Variants in ACLY observed in about 807,000 individuals in gnomAD.
ACLY encodes ATP citrate lyase, also known as ATP-citrate synthase.
Under a neutral mutation model 133.0 loss-of-function variants are expected in ACLY, and 41 were observed. The observed-to-expected ratio is 0.31, with a 90% confidence interval of 0.24 to 0.40. ACLY has a LOEUF of 0.40. Among genes scored for constraint, ACLY ranks in the 10% least tolerant of loss-of-function variants. ACLY has a pLI of 1.00. For synonymous variants in ACLY, 495 were observed against 549.3 expected (o/e 0.90, Z 1.38); for missense variants, 1,046 against 1,453.8 (o/e 0.72, Z 4.56).
intron 6 of ACLY, 137 bp from the exon 7 acceptor site, chr17:41,907,709 G>A (rs552300863): frequency 2.1e-6 from 2 of 967,582 alleles, no homozygotes; most frequent in South Asian, 1.8e-5. Context: ...TAAGAAACCA[G>A]AGAGGCCCTT....
At chr17:41,927,401 A>G (rs1555636099) in intron 1 of ACLY, among the ~76,000 whole-genome samples, 1 of 152,018 alleles carries the variant, frequency 6.6e-6, no homozygotes, top group Non-Finnish European at 1.5e-5. Flanking sequence ...TCATAGCTCA[A>G]CCGTGTTAGC....
intron 12 of ACLY, 86 bp downstream of exon 12, chr17:41,898,545 C>T: frequency 6.6e-7 from 1 of 1,514,262 alleles, no homozygotes; most frequent in Non-Finnish European, 8.9e-7. Context: ...CCTCTATGCC[C>T]CCAGGGAACA....
rs781903389 is a variant in ACLY, at chr17:41,872,016, T to C, written c.2793+16A>G. On this transcript the variant is annotated intron_variant, in intron 24 of 28. Coordinates refer to ENST00000352035, the MANE Select transcript of ACLY (RefSeq NM_001096.3). ...CAGTGTCCCCACTGTTCACCTCCCA[T>C]GATGACAGTACTTACGATGGTGAGC... The C allele has an allele frequency of 6.2e-7, 1 of 1,613,714 alleles. No homozygotes were observed. The highest frequency in any genetic ancestry group is 2.2e-5 in the East Asian group (1 of 44,862).
At chr17:41,877,424 T>C (rs1597976910) in intron 22 of ACLY, among the ~76,000 whole-genome samples, 2 of 150,998 alleles carry the variant, frequency 1.3e-5, no homozygotes, top group East Asian at 3.9e-4. Flanking sequence ...ATTACAGGCA[T>C]GAGCCACCAG....
intron 10 of ACLY, among the ~76,000 whole-genome samples, chr17:41,904,080 G>A (rs1188105562): frequency 2.0e-5 from 3 of 150,532 alleles, no homozygotes; most frequent in African/African-American, 7.4e-5. Flanking sequence ...TCGTGCCATT[G>A]CACTCCAGCC....
chr17:41,918,919 C>G lies in ACLY; in HGVS notation c.-63G>C. ...GTGCGCGGCGCTTCTTCCACAGGCC[C>G]GACGAACCCCGCAAAATCCGGAGCA... is the stretch of plus-strand genomic sequence containing the variant. On this transcript the variant is annotated 5_prime_UTR_variant, in exon 1 of 29. Transcript: ENST00000352035. The G allele has an allele frequency of 5.4e-6, 7 of 1,289,172 alleles. No individual in the cohort carries two copies. The highest frequency in any genetic ancestry group is 7.1e-6 in the Non-Finnish European group (7 of 988,652). 79.9% of individuals were successfully genotyped at this position (1,289,172 alleles called of 1,614,324 possible). A position where few individuals can be genotyped will look rare whatever the true frequency, so the allele number is the denominator to read the frequency against.
intron 20 of ACLY, among the ~76,000 whole-genome samples, chr17:41,880,290 A>G (rs1418521439): frequency 2.0e-5 from 3 of 152,164 alleles, no homozygotes; most frequent in Non-Finnish European, 4.4e-5. Context: ...TAGCACTTGA[A>G]CCTAGGCAAT....
Position 41,869,098 on chromosome 17 carries a change from C to G in ACLY, c.3079G>C (p.Gly1027Arg), listed in dbSNP as rs1555624561. ...TCTACAAATGCGACTCCGATGAGAC[C>G]ATCTACATTCAGGATAAGATTTGGC... ...KKPNLILNVD[G>R]LIGVAFVDML... Residue 1027 changes from glycine (G) to arginine (R), a missense_variant, in exon 27 of 29, where the codon GGT becomes CGT. Physicochemically the swap from Gly to Arg is moderately radical, Grantham distance 125. Coordinates refer to ENST00000352035, the MANE Select transcript of ACLY (RefSeq NM_001096.3). 6.2e-7 allele frequency: 1 copy of G among 1,613,844 alleles called. No homozygotes were observed. The highest frequency in any genetic ancestry group is 8.5e-7 in the Non-Finnish European group (1 of 1,179,954).
chr17:41,899,442 C>G (rs1322697486), intron 11 of ACLY, among the ~76,000 whole-genome samples: 1 of 152,132 alleles, frequency 6.6e-6, no homozygotes, highest in Non-Finnish European at 1.5e-5. Context: ...TCCTAAACAC[C>G]CTGAGCCCAT....
chr17:41,887,787 C>T, intron 16 of ACLY, 84 bp from the exon 17 acceptor site: 1 of 1,071,078 alleles, frequency 9.3e-7, no homozygotes, highest in Non-Finnish European at 1.4e-6. Context: ...GCCCACCTCC[C>T]ATTCCACATG....
intron 3 of ACLY, among the ~76,000 whole-genome samples, chr17:41,910,816 G>A (rs1019058191): frequency 2.6e-5 from 4 of 152,174 alleles, no homozygotes; most frequent in Non-Finnish European, 2.9e-5. Context: ...ATTCCCTGGC[G>A]GCGGCTGTGG....
chr17:41,901,443 A>G (rs140997683), intron 11 of ACLY, among the ~76,000 whole-genome samples: 120 of 152,310 alleles, frequency 7.9e-4, no homozygotes, highest in Non-Finnish European at 1.5e-3. Flanking sequence ...CACCAGCACA[A>G]AGCCCAGCAC....
intron 11 of ACLY, among the ~76,000 whole-genome samples, chr17:41,901,361 C>G (rs1286765762): frequency 6.6e-6 from 1 of 152,154 alleles, no homozygotes; most frequent in African/African-American, 2.4e-5. Context: ...CTCGGCACCC[C>G]CTGACATAGC....
At position 41,868,966 on chromosome 17, in the gene ACLY, T is replaced by C. The variant is rs554322693; in HGVS notation, c.3134+77A>G. 175 of 1,390,152 alleles carry C rather than the reference T, an allele frequency of 1.3e-4. 1 individual carries two copies. The South Asian group carries it at 2.0e-3, about 16-fold the overall frequency. 86.1% of individuals were successfully genotyped at this position (1,390,152 alleles called of 1,614,324 possible). A position where few individuals can be genotyped will look rare whatever the true frequency, so the allele number is the denominator to read the frequency against. On this transcript the variant is annotated intron_variant, in intron 27 of 28. Coordinates refer to ENST00000352035, the MANE Select transcript of ACLY (RefSeq NM_001096.3). Reference sequence around the variant, plus strand: ...TTTTTCAAATATTCTATTATGAGTATGCATTACTTTTATAGTTTGGAGGAA... The same window carrying C: ...TTTTTCAAATATTCTATTATGAGTACGCATTACTTTTATAGTTTGGAGGAA...
intron 22 of ACLY, among the ~76,000 whole-genome samples, chr17:41,874,374 C>T (rs1358070275): frequency 2.0e-5 from 3 of 151,982 alleles, no homozygotes; most frequent in East Asian, 3.9e-4. Context: ...TAGGCTCAAG[C>T]GATCTGCCCA....
upstream of ACLY, among the ~76,000 whole-genome samples, chr17:41,921,296 T>TCAAAA (rs1221516699): frequency 1.6e-4 from 24 of 151,352 alleles, no homozygotes; most frequent in African/African-American, 2.4e-4. Context: ...AGACTCCGTC[T>TCAAAA]CAAAACAAAA....
intron 19 of ACLY, among the ~76,000 whole-genome samples, chr17:41,883,571 C>CT (rs1364905493): frequency 2.8e-4 from 37 of 132,660 alleles, no homozygotes; most frequent in Admixed American, 4.2e-4. Context: ...TTAAAAAGCG[C>CT]TTTTTTTTTG....
In ACLY at chr17:41,881,416, C is replaced by CAAA. The variant is rs34173466; in HGVS notation, c.2265+1703_2265+1705dup. Among the ~76,000 whole-genome samples the CAAA allele has an allele frequency of 1.6e-3, 68 of 41,498 alleles. 1 individual carries two copies. The highest frequency in any genetic ancestry group is 3.5e-3 in the African/African-American group (37 of 10,426). The allele number at this position is 41,498 out of a possible 152,430, so 27.2% of individuals were successfully genotyped here. A position where few individuals can be genotyped will look rare whatever the true frequency, so the allele number is the denominator to read the frequency against. ...CCAGCCTAGGCGAGAGACTCCGTCT[C>CAAA]AAAAAAAAAAAAAAAAAAAAAAAAG... On this transcript the variant is annotated intron_variant, in intron 20 of 28. Coordinates refer to ENST00000352035, the MANE Select transcript of ACLY (RefSeq NM_001096.3).
At chr17:41,919,197 G>A (rs926228435), upstream of ACLY, among the ~76,000 whole-genome samples, 4 of 152,202 alleles carry the variant, frequency 2.6e-5, no homozygotes, top group South Asian at 2.1e-4. Context: ...GCCGGGGCGG[G>A]GCCCCGGGTG....
Sources: gnomAD v4.1 joint callset for allele counts (sites outside exome capture counted in the v4.1 genomes callset) on GRCh38, gnomAD v4.1.1 for gene constraint, MANE v1.5 for transcripts, NCBI Gene and HGNC (gene_info 2026-07-23, HGNC 2026-07-21) for gene names.